Variants in AGBL4 observed in about 807,000 individuals in gnomAD.
The protein encoded by AGBL4 is AGBL carboxypeptidase 4.
In AGBL4, 58 loss-of-function variants were observed where a neutral mutation model predicts 66.4. The ratio of observed to expected loss-of-function variants is 0.87; its 90% CI spans 0.71 to 1.09. The LOEUF is 1.09. Ranked by LOEUF, AGBL4 falls within the 50% of genes least tolerant of loss-of-function variation. The pLI, the probability that AGBL4 is intolerant of heterozygous loss-of-function variation, is 0.00. For synonymous variants in AGBL4, 234 were observed against 222.9 expected (o/e 1.05, Z -0.44); for missense variants, 579 against 631.0 (o/e 0.92, Z 0.88).
chr1:49,184,188 G>C (rs1646976463), intron 4 of AGBL4, among the ~76,000 whole-genome samples: 2 of 152,156 alleles, frequency 1.3e-5, no homozygotes, highest in African/African-American at 4.8e-5. Flanking sequence ...TCTTGTCACT[G>C]TTCTACAGAG....
At chr1:49,881,451 G>C (rs1391907664) in intron 1 of AGBL4, among the ~76,000 whole-genome samples, 1 of 151,756 alleles carries the variant, frequency 6.6e-6, no homozygotes, top group East Asian at 1.9e-4. Flanking sequence ...CGATCCCTGA[G>C]GAATCGCCAC....
chr1:49,081,552 T>C (rs538717216), intron 4 of AGBL4, among the ~76,000 whole-genome samples: 14 of 152,336 alleles, frequency 9.2e-5, no homozygotes, highest in African/African-American at 3.4e-4. Flanking sequence ...ATAAGAGATA[T>C]CCTTGCCTCT....
At chr1:49,943,723 A>G (rs1310854746) in intron 1 of AGBL4, among the ~76,000 whole-genome samples, 2 of 99,060 alleles carry the variant, frequency 2.0e-5, no homozygotes, top group Admixed American at 1.1e-4. Flanking sequence ...GTCACAGGGA[A>G]AAAAAAAAAA....
At chr1:49,747,947 T>C (rs1313009093) in intron 2 of AGBL4, among the ~76,000 whole-genome samples, 1 of 118,536 alleles carries the variant, frequency 8.4e-6, no homozygotes, top group Non-Finnish European at 1.5e-5. Context: ...TGTGTGTTTG[T>C]GTGTGTGTGT....
intron 6 of AGBL4, among the ~76,000 whole-genome samples, chr1:48,856,434 A>C (rs1176976001): frequency 6.6e-6 from 1 of 152,234 alleles, no homozygotes; most frequent in African/African-American, 2.4e-5. Flanking sequence ...TCTTCTCTAA[A>C]GATGATTTTA....
chr1:49,071,357 T>G (rs988685117), intron 4 of AGBL4, among the ~76,000 whole-genome samples: 2 of 152,028 alleles, frequency 1.3e-5, no homozygotes, highest in African/African-American at 4.8e-5. Context: ...TTTAGATCTT[T>G]CCTGCTTTCT....
At chr1:49,983,527 C>T (rs948744956) in intron 1 of AGBL4, among the ~76,000 whole-genome samples, 1 of 152,242 alleles carries the variant, frequency 6.6e-6, no homozygotes, top group Non-Finnish European at 1.5e-5. Context: ...CACAGGCAGC[C>T]TGCCAGGTGA....
At chr1:49,060,206 G>A (rs972435505) in intron 4 of AGBL4, among the ~76,000 whole-genome samples, 1 of 152,056 alleles carries the variant, frequency 6.6e-6, no homozygotes, top group Admixed American at 6.6e-5. Context: ...CATGAGGGTG[G>A]TTACCTCCAT....
intron 2 of AGBL4, among the ~76,000 whole-genome samples, chr1:49,702,477 G>A (rs1321878037): frequency 2.6e-5 from 4 of 151,996 alleles, no homozygotes; most frequent in African/African-American, 9.7e-5. Context: ...GTGATAGAGC[G>A]AGGCTCCGTC....
At chr1:49,540,386 A>C (rs1390181113) in intron 3 of AGBL4, among the ~76,000 whole-genome samples, 1 of 152,202 alleles carries the variant, frequency 6.6e-6, no homozygotes, top group South Asian at 2.1e-4. Context: ...CTCCTCTGTG[A>C]GGTAGCACCC....
chr1:48,558,924 A>G (rs1458044113), intron 11 of AGBL4, among the ~76,000 whole-genome samples: 1 of 152,182 alleles, frequency 6.6e-6, no homozygotes, highest in Non-Finnish European at 1.5e-5. Context: ...TTAATTTTAC[A>G]GATGAGGAAG....
chr1:49,591,136 A>C (rs1192927616), intron 3 of AGBL4, among the ~76,000 whole-genome samples: 6 of 152,118 alleles, frequency 3.9e-5, no homozygotes, highest in Non-Finnish European at 1.5e-5. Flanking sequence ...AATCTAACAT[A>C]AAAAGGTAAA....
At chr1:49,733,412 A>C (rs1384062083) in intron 2 of AGBL4, among the ~76,000 whole-genome samples, 2 of 152,234 alleles carry the variant, frequency 1.3e-5, no homozygotes, top group Non-Finnish European at 2.9e-5. Flanking sequence ...TCTAAAAGGC[A>C]CAATATCGTA....
intron 3 of AGBL4, among the ~76,000 whole-genome samples, chr1:49,544,971 A>C (rs1652360788): frequency 1.3e-5 from 2 of 152,182 alleles, no homozygotes; most frequent in African/African-American, 4.8e-5. Flanking sequence ...ATAATCTGGC[A>C]CATGAATATG....
At chr1:49,735,417 T>C (rs1649804973) in intron 2 of AGBL4, among the ~76,000 whole-genome samples, 1 of 151,072 alleles carries the variant, frequency 6.6e-6, no homozygotes. Context: ...GCAGTCGGCC[T>C]CTAGATGATG....
At chr1:49,549,914 A>AT (rs1338919765) in intron 3 of AGBL4, among the ~76,000 whole-genome samples, 1 of 152,086 alleles carries the variant, frequency 6.6e-6, no homozygotes, top group Non-Finnish European at 1.5e-5. Flanking sequence ...GTTGCTGTCT[A>AT]TATCATTTCT....
At chr1:48,908,199 C>T (rs1469415616) in intron 5 of AGBL4, among the ~76,000 whole-genome samples, 1 of 152,126 alleles carries the variant, frequency 6.6e-6, no homozygotes, top group East Asian at 1.9e-4. Context: ...CCTCCAGGCC[C>T]CAGCTGACAT....
At chr1:49,501,989 A>G (rs1004898553) in intron 3 of AGBL4, among the ~76,000 whole-genome samples, 4 of 152,284 alleles carry the variant, frequency 2.6e-5, no homozygotes, top group East Asian at 3.9e-4. Context: ...CATAATTTCA[A>G]TCTTCTTAAA....
chr1:49,444,426 A>G (rs1431828577), intron 3 of AGBL4, among the ~76,000 whole-genome samples: 1 of 152,092 alleles, frequency 6.6e-6, no homozygotes, highest in East Asian at 1.9e-4. Context: ...TTCTTATAGC[A>G]ATATTTGCTT....
Sources: allele counts gnomAD v4.1 joint callset (sites outside exome capture counted in the v4.1 genomes callset), GRCh38; gene constraint gnomAD v4.1.1; transcripts MANE v1.5; gene names NCBI Gene and HGNC (gene_info 2026-07-23, HGNC 2026-07-21).